Variants in DCDC1 observed in about 807,000 individuals in gnomAD.
DCDC1 encodes the protein doublecortin domain-containing protein 1.
Under a neutral mutation model 178.3 loss-of-function variants are expected in DCDC1, and 200 were observed. That is an observed-to-expected ratio of 1.12 (90% CI 1.00 to 1.26). DCDC1 has a LOEUF of 1.26. Among genes scored for constraint, DCDC1 ranks in the 50% most tolerant of loss-of-function variants. DCDC1 has a pLI of 0.00. For missense variants in DCDC1, 1,983 were observed against 1,749.2 expected (o/e 1.13, Z -2.38); for synonymous variants, 690 against 604.8 (o/e 1.14, Z -2.07).
chr11:30,998,875 A>C (rs1417768564), intron 20 of DCDC1, among the ~76,000 whole-genome samples: 1 of 152,204 alleles, frequency 6.6e-6, no homozygotes, highest in African/African-American at 2.4e-5. Context: ...CAGTGGAGAA[A>C]TCTGGCAGAC....
chr11:30,874,493 G>C lies in DCDC1; in HGVS notation c.*40+4051C>G, dbSNP rs530217332. On this transcript the variant is annotated intron_variant, in intron 38 of 38. Coordinates refer to ENST00000684477, the MANE Select transcript of DCDC1 (RefSeq NM_001387274.1). Reference sequence around the variant, plus strand: ...GAGAAAAGCCAGGAAGACGGGAAAAGGCCAAGAGGCAGGGAGGAAGAGGGA... The same window carrying C: ...GAGAAAAGCCAGGAAGACGGGAAAACGCCAAGAGGCAGGGAGGAAGAGGGA... 1.1e-3 allele frequency among the ~76,000 whole-genome samples: 175 copies of C among 152,256 alleles called. 7 individuals are homozygous for C. In the South Asian group the frequency reaches 0.032, roughly 28 times the overall value.
At chr11:30,962,101 G>A (rs961325508) in intron 20 of DCDC1, among the ~76,000 whole-genome samples, 3 of 152,010 alleles carry the variant, frequency 2.0e-5, no homozygotes, top group Non-Finnish European at 2.9e-5. Context: ...AATATTTTAT[G>A]TAAACAATTA....
intron 20 of DCDC1, among the ~76,000 whole-genome samples, chr11:30,985,408 G>A (rs1950590363): frequency 6.6e-6 from 1 of 152,070 alleles, no homozygotes; most frequent in Admixed American, 6.6e-5. Context: ...TTAAAACACT[G>A]CAGTATGTTG....
At chr11:31,059,570 A>G (rs1238330447) in intron 20 of DCDC1, among the ~76,000 whole-genome samples, 1 of 152,054 alleles carries the variant, frequency 6.6e-6, no homozygotes, top group Non-Finnish European at 1.5e-5. Flanking sequence ...TTTAATGACT[A>G]TCAAAAGCAA....
Position 31,328,302 on chromosome 11 carries a change from A to G in DCDC1, c.-6-16T>C. The G allele has an allele frequency of 6.5e-7, 1 of 1,541,874 alleles. No individual in the cohort carries two copies. Among genetic ancestry groups the G allele is most frequent in the Non-Finnish European group, 8.8e-7 (1 of 1,141,762 alleles). On this transcript the variant is annotated splice_polypyrimidine_tract_variant and intron_variant, in intron 2 of 38. Transcript: ENST00000684477. ...CCATTTTCAGCTAAAAATGATAAAG[A>G]ATGTTATTTAATTTTAAATGTAAAA...
chr11:31,253,146 T>A (rs113310710), intron 8 of DCDC1, among the ~76,000 whole-genome samples: 1,857 of 152,284 alleles, frequency 0.012, 29 homozygotes, highest in Non-Finnish European at 0.019. Context: ...CAAAAAGCAG[T>A]TAATAGTGAG....
At chr11:31,070,004 A>G (rs958597401) in intron 18 of DCDC1, among the ~76,000 whole-genome samples, 1 of 152,214 alleles carries the variant, frequency 6.6e-6, no homozygotes, top group Admixed American at 6.5e-5. Context: ...GGTGGCAGAC[A>G]TATATAAATA....
intron 36 of DCDC1, among the ~76,000 whole-genome samples, chr11:30,885,988 A>C (rs59129716): frequency 0.032 from 4,916 of 152,236 alleles, 270 homozygotes; most frequent in African/African-American, 0.11. Flanking sequence ...CATCAATTTG[A>C]TAGAAGGTTA....
chr11:31,077,705 G>A (rs986192320), intron 18 of DCDC1, among the ~76,000 whole-genome samples, 160 bp downstream of exon 18: 1 of 152,020 alleles, frequency 6.6e-6, no homozygotes, highest in Non-Finnish European at 1.5e-5. Flanking sequence ...AAAGTTAAAG[G>A]AAAGTATTGA....
chr11:31,230,371 A>G (rs1352791366), intron 9 of DCDC1, among the ~76,000 whole-genome samples: 2 of 151,302 alleles, frequency 1.3e-5, no homozygotes, highest in South Asian at 4.2e-4. Context: ...AAAAAAATAG[A>G]AAAAAAAAGA....
chr11:30,978,827 C>T (rs1041790944), intron 20 of DCDC1, among the ~76,000 whole-genome samples: 1 of 140,542 alleles, frequency 7.1e-6, no homozygotes, highest in Non-Finnish European at 1.5e-5. Flanking sequence ...CACACACACA[C>T]CCCCTTCTCA....
rs763210535 is a variant in DCDC1, at chr11:31,065,178, G to A, written c.2299-25C>T. The A allele has an allele frequency of 8.9e-5, 65 of 730,766 alleles. No homozygotes were observed. In the East Asian group the frequency reaches 1.6e-3, roughly 18 times the overall value. The allele number at this position is 730,766 out of a possible 1,614,324, so 45.3% of individuals were successfully genotyped here. A position where few individuals can be genotyped will look rare whatever the true frequency, so the allele number is the denominator to read the frequency against. On this transcript the variant is annotated intron_variant, in intron 18 of 38. Transcript: ENST00000684477. Reference sequence around the variant, plus strand: ...CCTGTAAGAAAGGAAAAAATAACAAGTAGTATCACCCTTATAAACAATAGC... The same window carrying A: ...CCTGTAAGAAAGGAAAAAATAACAAATAGTATCACCCTTATAAACAATAGC...
At chr11:31,099,458 A>G (rs1447517066) in intron 15 of DCDC1, among the ~76,000 whole-genome samples, 3 of 152,166 alleles carry the variant, frequency 2.0e-5, no homozygotes, top group African/African-American at 2.4e-5. Context: ...TGATCCTAAC[A>G]TCCCCAATAG....
intron 18 of DCDC1, among the ~76,000 whole-genome samples, chr11:31,066,394 G>T (rs1228378671): frequency 2.0e-5 from 3 of 152,176 alleles, no homozygotes; most frequent in Non-Finnish European, 2.9e-5. Flanking sequence ...CATCCAGCTT[G>T]ATTAATAGTC....
At position 31,064,483 on chromosome 11, in the gene DCDC1, C is replaced by T. The variant is rs769356708; in HGVS notation, c.2577G>A (p.Lys859=). The T allele has an allele frequency of 1.3e-6, 1 of 765,624 alleles. No individual in the cohort carries two copies. Among genetic ancestry groups the T allele is most frequent in the Admixed American group, 1.7e-5 (1 of 59,004 alleles). The allele number at this position is 765,624 out of a possible 1,614,324, so 47.4% of individuals were successfully genotyped here. ...CAGTACCCTACCTCTGAGCAGAAGCCTTAGGATGTTTCTCTTCCAGTTTCC... is the reference window on the plus strand; with the variant it reads ...CAGTACCCTACCTCTGAGCAGAAGCTTTAGGATGTTTCTCTTCCAGTTTCC... The part of the protein sequence containing the change: ...LVRKLEEKHP[K]ASAQRWAIKH... Residue 859 remains lysine (K), a synonymous_variant, in exon 20 of 39, where the codon AAG becomes AAA. Transcript: ENST00000684477.
chr11:31,201,332 T>C (rs914218258), intron 9 of DCDC1, among the ~76,000 whole-genome samples: 1 of 151,912 alleles, frequency 6.6e-6, no homozygotes, highest in Non-Finnish European at 1.5e-5. Flanking sequence ...ATCACCTATA[T>C]ACTTTTTCTT....
chr11:30,873,457 A>G (rs1412536221), intron 38 of DCDC1, among the ~76,000 whole-genome samples: 2 of 152,012 alleles, frequency 1.3e-5, no homozygotes, highest in South Asian at 2.1e-4. Context: ...TTTTCCAAGG[A>G]AAGTGTCTGT....
intron 20 of DCDC1, among the ~76,000 whole-genome samples, chr11:31,031,444 T>C (rs1476362004): frequency 1.3e-5 from 2 of 152,130 alleles, no homozygotes; most frequent in African/African-American, 4.8e-5. Flanking sequence ...TTATTATACT[T>C]TTTTGGAGAG....
chr11:30,976,867 A>G (rs1451016658), intron 20 of DCDC1, among the ~76,000 whole-genome samples: 2 of 152,166 alleles, frequency 1.3e-5, no homozygotes, highest in Admixed American at 1.3e-4. Flanking sequence ...AGTATATCAA[A>G]AGGATACCTA....
Sources: gnomAD v4.1 joint callset for allele counts (sites outside exome capture counted in the v4.1 genomes callset) on GRCh38, gnomAD v4.1.1 for gene constraint, MANE v1.5 for transcripts, NCBI Gene and HGNC (gene_info 2026-07-23, HGNC 2026-07-21) for gene names.